The following DNAH14 variants were observed in gnomAD, a reference collection of about 807,000 sequenced individuals.
DNAH14 encodes axonemal beta dynein heavy chain 14.
Under a neutral mutation model 520.9 loss-of-function variants are expected in DNAH14, and 478 were observed. The ratio of observed to expected loss-of-function variants is 0.92; its 90% CI spans 0.85 to 0.99. The LOEUF (loss-of-function observed/expected upper bound fraction) is 0.99. Among genes scored for constraint, DNAH14 ranks in the 50% least tolerant of loss-of-function variants. The pLI is 0.00. For missense variants in DNAH14, 4,831 were observed against 5,234.5 expected (o/e 0.92, Z 2.38); for synonymous variants, 1,581 against 1,757.2 (o/e 0.90, Z 2.51).
chr1:224,943,332 G>T (rs993116200), intron 1 of DNAH14, among the ~76,000 whole-genome samples: 1 of 152,098 alleles, frequency 6.6e-6, no homozygotes. Flanking sequence ...TGTGGGATCG[G>T]TGGTGATATT....
chr1:225,233,865 C>T (rs1198755433), intron 42 of DNAH14, among the ~76,000 whole-genome samples: 1 of 151,982 alleles, frequency 6.6e-6, no homozygotes, highest in Admixed American at 6.6e-5. Context: ...TTTGCCCGTG[C>T]CTATATTCTG....
chr1:224,986,328 A>G (rs2062635383), intron 8 of DNAH14, among the ~76,000 whole-genome samples: 1 of 151,078 alleles, frequency 6.6e-6, no homozygotes, highest in Non-Finnish European at 1.5e-5. Flanking sequence ...TAAAAAAAAA[A>G]AAAAAAAAAA....
At chr1:225,373,972 C>T (rs962716435) in intron 77 of DNAH14, among the ~76,000 whole-genome samples, 5 of 149,916 alleles carry the variant, frequency 3.3e-5, no homozygotes, top group Non-Finnish European at 7.4e-5. Context: ...CAAAAAAATA[C>T]AAAAATTAGC....
intron 21 of DNAH14, 106 bp downstream of exon 21, chr1:225,085,895 T>C (rs776318731): frequency 1.4e-5 from 15 of 1,094,232 alleles, no homozygotes; most frequent in Non-Finnish European, 1.8e-5. Context: ...AAATCATTCA[T>C]ATACTTATAT....
chr1:224,963,801 T>G (rs2060987155), intron 4 of DNAH14, among the ~76,000 whole-genome samples: 1 of 152,094 alleles, frequency 6.6e-6, no homozygotes, highest in African/African-American at 2.4e-5. Flanking sequence ...ATCCTAGTTA[T>G]AATAGTGTCT....
At chr1:225,154,262 C>T (rs1271930722) in intron 34 of DNAH14, among the ~76,000 whole-genome samples, 1 of 151,970 alleles carries the variant, frequency 6.6e-6, no homozygotes, top group African/African-American at 2.4e-5. Flanking sequence ...AAGGACTTAA[C>T]ATCATAATGA....
At position 225,213,784 on chromosome 1, in the gene DNAH14, A is replaced by C. The variant is rs570140539; in HGVS notation, c.6439+6564A>C. On this transcript the variant is annotated intron_variant, in intron 41 of 85. Transcript: ENST00000682510. ...TATTGTGAGACTTTGCTGAAGTTGC[A>C]TATCAGCTTAAGGAGATTTTGGGCT... 5.3e-5 allele frequency among the ~76,000 whole-genome samples: 8 copies of C among 152,212 alleles called. No homozygotes were observed. The East Asian group carries it at 1.2e-3, about 22-fold the overall frequency.
chr1:224,997,139 C>CTG (rs2063446788), intron 8 of DNAH14, among the ~76,000 whole-genome samples: 2 of 152,226 alleles, frequency 1.3e-5, no homozygotes, highest in East Asian at 3.9e-4. Context: ...CCACCAAGAT[C>CTG]TGTAGGCTGG....
intron 81 of DNAH14, among the ~76,000 whole-genome samples, chr1:225,385,949 T>C (rs1356415958): frequency 6.6e-6 from 1 of 152,182 alleles, no homozygotes; most frequent in African/African-American, 2.4e-5. Context: ...AGAACAAAGC[T>C]GGAGGCATCA....
intron 8 of DNAH14, among the ~76,000 whole-genome samples, chr1:224,986,125 T>C (rs1184179249): frequency 6.7e-6 from 1 of 150,280 alleles, no homozygotes; most frequent in Non-Finnish European, 1.5e-5. Flanking sequence ...AGATCAAAGC[T>C]GTAATAAAAA....
chr1:225,370,341 A>C (rs2095604962), intron 77 of DNAH14, among the ~76,000 whole-genome samples: 1 of 151,448 alleles, frequency 6.6e-6, no homozygotes, highest in African/African-American at 2.4e-5. Context: ...GCAATATAGA[A>C]AGCCCTGTCT....
chr1:225,116,247 G>C (rs772306608), intron 23 of DNAH14, among the ~76,000 whole-genome samples: 3 of 152,142 alleles, frequency 2.0e-5, no homozygotes, highest in Non-Finnish European at 4.4e-5. Flanking sequence ...ATATCACAAT[G>C]AGTTTTTACT....
At chr1:225,041,104 G>A (rs1003823906) in intron 12 of DNAH14, among the ~76,000 whole-genome samples, 2 of 152,180 alleles carry the variant, frequency 1.3e-5, no homozygotes, top group African/African-American at 2.4e-5. Context: ...CTGCATGAAC[G>A]AGCAGACTGC....
intron 5 of DNAH14, among the ~76,000 whole-genome samples, chr1:224,966,931 TTAA>T (rs2061205370): frequency 6.6e-6 from 1 of 152,142 alleles, no homozygotes; most frequent in Non-Finnish European, 1.5e-5. Flanking sequence ...GAGATGAAAG[TTAA>T]TAAACTCTTA....
chr1:224,955,081 A>G lies in DNAH14; in HGVS notation c.200A>G (p.Lys67Arg). Residue 67 changes from lysine (K) to arginine (R), a missense_variant, in exon 3 of 86, where the codon AAG (lysine) becomes AGG (arginine). By Grantham distance (26) the Lys-to-Arg change is conservative (BLOSUM62 2). Coordinates refer to ENST00000682510, the MANE Select transcript of DNAH14 (RefSeq NM_001367479.1). ...GTTAGAACATTCTCTGAATCTTTGA[A>G]GTCAGAGAAAACAGAAGGTATTTAT... ...KTVRTFSESLKSEKTEDYLRE... is the reference protein window; with the variant it reads ...KTVRTFSESLRSEKTEDYLRE... 1 of 1,609,742 alleles carries G rather than the reference A, an allele frequency of 6.2e-7. No homozygotes were observed. The highest frequency in any genetic ancestry group is 8.5e-7 in the Non-Finnish European group (1 of 1,177,968).
chr1:225,361,434 T>C (rs916693612), intron 75 of DNAH14, among the ~76,000 whole-genome samples: 1 of 152,248 alleles, frequency 6.6e-6, no homozygotes, highest in Non-Finnish European at 1.5e-5. Flanking sequence ...AGTTTATTGC[T>C]GTAATTTGAG....
chr1:225,320,453 GTTGT>G (rs1241163350), intron 61 of DNAH14, among the ~76,000 whole-genome samples: 9 of 152,120 alleles, frequency 5.9e-5, no homozygotes, highest in East Asian at 1.9e-4. Context: ...TGTCTTGTTT[GTTGT>G]TTGTTTGTTT....
chr1:225,394,010 C>T (rs1048183996), intron 84 of DNAH14, among the ~76,000 whole-genome samples: 11 of 152,020 alleles, frequency 7.2e-5, no homozygotes, highest in African/African-American at 2.7e-4. Context: ...TTAGTAGAGA[C>T]GGGGTTTCAC....
At chr1:224,939,060 A>G (rs2059230934) in intron 1 of DNAH14, among the ~76,000 whole-genome samples, 1 of 152,268 alleles carries the variant, frequency 6.6e-6, no homozygotes, top group South Asian at 2.1e-4. Flanking sequence ...AAGAATAAAT[A>G]TATTTATTAC....
Sources: allele counts gnomAD v4.1 joint callset (sites outside exome capture counted in the v4.1 genomes callset), GRCh38; gene constraint gnomAD v4.1.1; transcripts MANE v1.5; gene names NCBI Gene and HGNC (gene_info 2026-07-23, HGNC 2026-07-21).